The following RYR1 variants were observed in gnomAD, a reference collection of about 807,000 sequenced individuals.
The protein encoded by RYR1 is central core disease of muscle.
A neutral mutation model predicts 583.5 loss-of-function variants in RYR1; 342 were observed. The observed-to-expected ratio is 0.59, with a 90% CI of 0.54 to 0.64. RYR1 has a LOEUF of 0.64. Ranked by LOEUF, RYR1 falls within the 30% of genes least tolerant of loss-of-function variation. RYR1 has a pLI of 0.00. For missense variants in RYR1, 6,032 were observed against 6,917.2 expected (o/e 0.87, Z 4.54); for synonymous variants, 2,791 against 2,822.5 (o/e 0.99, Z 0.35).
At chr19:38,576,266 C>T (rs1973951794) in intron 97 of RYR1, among the ~76,000 whole-genome samples, 1 of 152,080 alleles carries the variant, frequency 6.6e-6, no homozygotes, top group Non-Finnish European at 1.5e-5. Flanking sequence ...GCAGCCTGGG[C>T]AACATGGCAA....
intron 72 of RYR1, 23 bp from the exon 73 acceptor site, chr19:38,527,596 ACACTGTGGGAAGGGTCCCTCACGCCGGC>A: frequency 6.2e-7 from 1 of 1,611,164 alleles, no homozygotes; most frequent in Non-Finnish European, 8.5e-7. Flanking sequence ...CATCCGGCGG[ACACTGTGGGAAGGGTCCCTCACGCCGGC>A]CACTCCTTCT....
chr19:38,474,562 T>C (rs1968613885), intron 28 of RYR1, among the ~76,000 whole-genome samples: 1 of 127,910 alleles, frequency 7.8e-6, no homozygotes, highest in Non-Finnish European at 1.6e-5. Flanking sequence ...CACGCCCGGC[T>C]CCTTTTTTTT....
rs140384288 is a variant in RYR1, at chr19:38,483,137, C to T, written c.4707+24C>T. 14 of 1,610,276 alleles carry T rather than the reference C, an allele frequency of 8.7e-6. 1 individual carries two copies. The African/African-American group carries it at 1.5e-4, about 17-fold the overall frequency. ...AGGTACAAGTGCAGTGATGGGGGCA[C>T]TAATGGGGCCAGGCTGAGGCAGGAG... On this transcript the variant is annotated intron_variant, in intron 32 of 105. Coordinates refer to ENST00000359596, the MANE Select transcript of RYR1 (RefSeq NM_000540.3). This position sits in a 1 kb window ranked among gnomAD's most constrained non-coding sequence, Gnocchi z 6.3.
Position 38,452,955 on chromosome 19 carries a change from G to T in RYR1, c.1381G>T (p.Glu461Ter), listed in dbSNP as rs1159003478. The change falls in exon 13 of 106, where the codon GAG (glutamate) becomes TAG (stop). Residue 461 changes from glutamate to a stop codon, truncating the protein, a stop_gained. Coordinates refer to ENST00000359596, the MANE Select transcript of RYR1 (RefSeq NM_000540.3). LOFTEE classifies it high-confidence loss of function. ...FEPPSEDLQH[E>*]EKQSKLRSLR... ...GCCTCCCTCCGAGGACTTGCAGCAC[G>T]AGGAGAAGCAGAGCAAGCTGCGAAG... The T allele has an allele frequency of 3.7e-6, 6 of 1,614,026 alleles. No individual in the cohort carries two copies. Among genetic ancestry groups the T allele is most frequent in the Non-Finnish European group, 5.1e-6 (6 of 1,179,898 alleles).
Position 38,466,374 on chromosome 19 carries a change from A to G in RYR1, c.3154A>G (p.Ile1052Val). ...CACCCTCCTGGGCTACGGCTACAAC[A>G]TCGAGCCTCCTGACCAGGAGCCCAG... ...VRTLLGYGYN[I>V]EPPDQEPSQV... Residue 1052 changes from isoleucine (I) to valine (V), a missense_variant, in exon 24 of 106, where the codon ATC becomes GTC. Around this residue, in one of 11 missense-constraint regions of RYR1, gnomAD observed 2,627 missense variants for 2,961.3 expected, o/e 0.89. Coordinates refer to ENST00000359596, the MANE Select transcript of RYR1 (RefSeq NM_000540.3). 6.4e-7 allele frequency: 1 copy of G among 1,557,990 alleles called. No individual in the cohort carries two copies. Among genetic ancestry groups the G allele is most frequent in the Middle Eastern group, 2.2e-4 (1 of 4,596 alleles).
chr19:38,467,056 C>T (rs1324762458), intron 24 of RYR1, among the ~76,000 whole-genome samples: 2 of 152,164 alleles, frequency 1.3e-5, no homozygotes, highest in Non-Finnish European at 2.9e-5. Flanking sequence ...AATCTCTGAA[C>T]TGTAGCTACC....
intron 2 of RYR1, among the ~76,000 whole-genome samples, chr19:38,441,788 TGAGTTTAGGAGTTG>T (rs1972701265): frequency 6.6e-6 from 1 of 151,528 alleles, no homozygotes; most frequent in African/African-American, 2.4e-5. Flanking sequence ...AGCAGAGTCT[TGAGTTTAGGAGTTG>T]GACGGTGGGA....
intron 42 of RYR1, among the ~76,000 whole-genome samples, chr19:38,497,428 C>A (rs1379103490): frequency 1.3e-5 from 2 of 152,148 alleles, no homozygotes; most frequent in Non-Finnish European, 2.9e-5. Flanking sequence ...AACTTTGCTT[C>A]TGCTCCCCTC....
In RYR1 at chr19:38,477,053, TAAGG is replaced by T. The variant is rs111825868; in HGVS notation, c.4294-654_4294-651del. Among the ~76,000 whole-genome samples the T allele has an allele frequency of 2.5e-4, 36 of 143,472 alleles. 4 individuals are homozygous for T. Among genetic ancestry groups the T allele is most frequent in the African/African-American group, 9.1e-4 (35 of 38,658 alleles). The allele number at this position is 143,472 out of a possible 152,430, so 94.1% of individuals were successfully genotyped here. A position where few individuals can be genotyped will look rare whatever the true frequency, so the allele number is the denominator to read the frequency against. ...CTCAAAAAAAATAAAAATAAAAAAA[TAAGG>T]AAAGAAAAAAAAGAAGAAGAAGAAG... On this transcript the variant is annotated intron_variant, in intron 29 of 105. Coordinates refer to ENST00000359596, the MANE Select transcript of RYR1 (RefSeq NM_000540.3).
intron 89 of RYR1, among the ~76,000 whole-genome samples, chr19:38,552,667 C>T (rs572858168): frequency 2.9e-4 from 44 of 152,152 alleles, no homozygotes; most frequent in Non-Finnish European, 4.4e-4. Flanking sequence ...AGACCTCAGG[C>T]GGTCTGGCCT....
Position 38,511,606 on chromosome 19 carries a change from C to A in RYR1, c.9168C>A (p.Leu3056=). The change falls in exon 61 of 106, where the codon CTC becomes CTA. Residue 3056 remains leucine, a synonymous_variant. Coordinates refer to ENST00000359596, the MANE Select transcript of RYR1 (RefSeq NM_000540.3). ...LAALVRHRVS[L]FGTDAPAVVN... is the part of the protein sequence containing the mutation. ...CTCTCGTCCGCCACCGAGTCTCTCT[C>A]TTTGGTAAGTGGCTCCACACCTTCG... The A allele has an allele frequency of 6.2e-7, 1 of 1,614,152 alleles. No homozygotes were observed. Among genetic ancestry groups the A allele is most frequent in the East Asian group, 2.2e-5 (1 of 44,892 alleles).
In RYR1 at chr19:38,512,472, A is replaced by T; in HGVS notation, c.9461A>T (p.Asp3154Val). ...FQHIAQHQFG[D>V]DVILDDVQVS... ...CACATCGCCCAGCACCAGTTCGGAG[A>T]TGACGTCATCCGTAAGGGCGCCTGA... is the stretch of plus-strand genomic sequence containing the variant. Residue 3154 changes from aspartate (D) to valine (V), a missense_variant, in exon 63 of 106, where the codon GAT becomes GTT. Asp to Val is a radical substitution (Grantham distance 152). Transcript: ENST00000359596. The surrounding 1 kb of genome is among the most constrained non-coding windows in gnomAD (Gnocchi z 5.1). The T allele has an allele frequency of 6.2e-7, 1 of 1,611,772 alleles. No homozygotes were observed. Among genetic ancestry groups the T allele is most frequent in the Non-Finnish European group, 8.5e-7 (1 of 1,180,014 alleles).
intron 100 of RYR1, 85 bp from the exon 101 acceptor site, chr19:38,580,285 T>C (rs1974140241): frequency 6.4e-6 from 10 of 1,566,990 alleles, no homozygotes; most frequent in Admixed American, 1.8e-5. Flanking sequence ...CCACAGGGAC[T>C]GAACCGGGGC....
chr19:38,465,951 T>C, intron 23 of RYR1, 140 bp from the exon 24 acceptor site: 1 of 846,034 alleles, frequency 1.2e-6, no homozygotes, highest in East Asian at 2.7e-5. Context: ...TATTCTAAAA[T>C]TTCATAGAAC....
intron 50 of RYR1, 43 bp from the exon 51 acceptor site, chr19:38,504,705 G>C (rs564116835): frequency 1.3e-6 from 2 of 1,595,504 alleles, no homozygotes; most frequent in South Asian, 1.1e-5. Flanking sequence ...GGTCAGTAAG[G>C]CTTATAGCGA....
At chr19:38,491,532 C>T (rs564187857) in intron 37 of RYR1, among the ~76,000 whole-genome samples, 18 of 151,898 alleles carry the variant, frequency 1.2e-4, no homozygotes, top group African/African-American at 4.3e-4. Context: ...GGGCTCAAGC[C>T]ATCCTCCTAC....
chr19:38,486,077 C>T lies in RYR1; in HGVS notation c.5422C>T (p.Arg1808Trp), dbSNP rs759687640. ...LSPAIPLEAL[R>W]DKALRMLGEA... ...CCCTGCCATCCCGCTGGAGGCCCTGCGGGACAAGGCACTGAGGATGCTGGG... is the reference window on the plus strand; with the variant it reads ...CCCTGCCATCCCGCTGGAGGCCCTGTGGGACAAGGCACTGAGGATGCTGGG... The change falls in exon 34 of 106, where the codon CGG (arginine) becomes TGG (tryptophan). Residue 1808 changes from arginine (R) to tryptophan (W), a missense_variant. Around this residue, in one of 11 missense-constraint regions of RYR1, gnomAD observed 2,627 missense variants for 2,961.3 expected, o/e 0.89. Transcript: ENST00000359596. 2.5e-6 allele frequency: 4 copies of T among 1,612,352 alleles called. No individual in the cohort carries two copies. Among genetic ancestry groups the T allele is most frequent in the East Asian group, 2.2e-5 (1 of 44,836 alleles).
intron 31 of RYR1, among the ~76,000 whole-genome samples, chr19:38,481,795 A>C (rs1969023431): frequency 6.6e-6 from 1 of 151,498 alleles, no homozygotes; most frequent in Admixed American, 6.6e-5. Flanking sequence ...CTTTTTAAAA[A>C]AGTTAAAATG....
chr19:38,470,305 G>A (rs565228290), intron 27 of RYR1, among the ~76,000 whole-genome samples: 1 of 151,988 alleles, frequency 6.6e-6, no homozygotes, highest in South Asian at 2.1e-4. Flanking sequence ...GGGTGCTGTG[G>A]CACATGCCTG....
Sources: allele counts gnomAD v4.1 joint callset (sites outside exome capture counted in the v4.1 genomes callset), GRCh38; gene constraint gnomAD v4.1.1; regional missense constraint gnomAD v4.1.1; non-coding constraint Gnocchi (gnomAD v3.1); transcripts MANE v1.5; gene names NCBI Gene and HGNC (gene_info 2026-07-23, HGNC 2026-07-21).